The following PLIN2 variants were observed in gnomAD, a reference collection of about 807,000 sequenced individuals.
The protein encoded by PLIN2 is perilipin 2.
In PLIN2, 33 loss-of-function variants were observed where a neutral mutation model predicts 30.6. That is an observed-to-expected ratio of 1.08 (90% CI 0.82 to 1.44). The LOEUF (loss-of-function observed/expected upper bound fraction) is 1.44, where lower values mean the gene tolerates loss of function less well. PLIN2 is among the 40% of genes most tolerant of loss of function. PLIN2 has a pLI of 0.00. For synonymous variants in PLIN2, 205 were observed against 201.1 expected, an observed-to-expected ratio of 1.02 and a Z score of -0.16; for missense variants, 610 against 531.8, an observed-to-expected ratio of 1.15 and a Z score of -1.45.
rs200207399 is a variant in PLIN2 at position 19,116,463 on chromosome 9, A to G, written c.1099T>C (p.Ser367Pro). ...TTGCTAGAAGTGAGGAGGCTGTCAGACACTTCTTTAAAGGAGGCAGCATTG... is the reference window on the plus strand; with the variant it reads ...TTGCTAGAAGTGAGGAGGCTGTCAGGCACTTCTTTAAAGGAGGCAGCATTG... ...FRNAASFKEV[S>P]DSLLTSSKGQ... Residue 367 changes from serine to proline, a missense_variant, in exon 8 of 8, where the codon TCT (serine) becomes CCT (proline). Transcript: ENST00000276914. The G allele has an allele frequency of 5.0e-6, 8 of 1,614,116 alleles. No individual in the cohort carries two copies. In the Admixed American group the frequency reaches 1.2e-4, roughly 24 times the overall value.
downstream of PLIN2, among the ~76,000 whole-genome samples, chr9:19,113,004 A>G (rs954489787): frequency 3.9e-5 from 6 of 152,048 alleles, no homozygotes; most frequent in East Asian, 1.9e-4. Context: ...GTAACACACT[A>G]TAACTCTTAT....
chr9:19,112,316 T>C (rs1818168966), downstream of PLIN2, among the ~76,000 whole-genome samples: 1 of 152,196 alleles, frequency 6.6e-6, no homozygotes, highest in Admixed American at 6.6e-5. Context: ...TATGTTAGCC[T>C]TAGTCAGTAT....
chr9:19,123,394 T>C (rs1818348472), intron 4 of PLIN2, 171 bp downstream of exon 4: 1 of 1,551,446 alleles, frequency 6.4e-7, no homozygotes, highest in African/African-American at 1.4e-5. Flanking sequence ...TAGATACAAC[T>C]TGACAACAGT....
At position 19,126,310 on chromosome 9, in the gene PLIN2, C is replaced by T. The variant is rs764016600; in HGVS notation, c.31-1G>A. 2 of 1,613,618 alleles carry T rather than the reference C, an allele frequency of 1.2e-6. No individual in the cohort carries two copies. Among genetic ancestry groups the T allele is most frequent in the Admixed American group, 3.3e-5 (2 of 59,994 alleles). On this transcript the variant is annotated splice_acceptor_variant, in intron 2 of 7. Coordinates refer to ENST00000276914, the MANE Select transcript of PLIN2 (RefSeq NM_001122.4). LOFTEE classifies it high-confidence loss of function. The stretch of plus-strand genomic sequence containing the variant: ...GGTTGACCACCCGAGTCACCACACT[C>T]TGCAATCAAAGTAGGGAGGGTATGC...
chr9:19,119,666 T>C lies in PLIN2; in HGVS notation c.761A>G (p.His254Arg). 4 of 1,595,644 alleles carry C rather than the reference T, an allele frequency of 2.5e-6. No homozygotes were observed. Among genetic ancestry groups the C allele is most frequent in the Non-Finnish European group, 3.4e-6 (4 of 1,169,250 alleles). Reference protein sequence around the residue: ...QKSQQTISQLHSTVHLIEFAR... With the variant: ...QKSQQTISQLRSTVHLIEFAR... ...TTTACTCACCAGGTGAACAGTAGAA[T>C]GGAGCTGAGAAATGGTCTGTTGGCT... Residue 254 changes from histidine to arginine, a missense_variant, in exon 6 of 8, where the codon CAT becomes CGT. Coordinates refer to ENST00000276914, the MANE Select transcript of PLIN2 (RefSeq NM_001122.4).
rs1818416968 is a variant in PLIN2, at chr9:19,127,266, G to A, written c.-23+153C>T. ...CTGGAAGCCGCGAGGCGAGCGGGGG[G>A]TCTCGGACCATCACCCCCGCGTCCC... On this transcript the variant is annotated intron_variant, in intron 1 of 7. Coordinates refer to ENST00000276914, the MANE Select transcript of PLIN2 (RefSeq NM_001122.4). This position sits in a 1 kb window ranked among gnomAD's most constrained non-coding sequence, Gnocchi z 4.3. Among the ~76,000 whole-genome samples, 1 of 151,976 alleles carries A rather than the reference G, an allele frequency of 6.6e-6. No homozygotes were observed. The highest frequency in any genetic ancestry group is 6.6e-5 in the Admixed American group (1 of 15,266).
In PLIN2 at chr9:19,115,990, C is replaced by T. The variant is rs1588641730; in HGVS notation, c.*258G>A. ...CAACACAATGGCCATAGAATGAGAA[C>T]ATAAGTGCATTTGAATTTTTTCTGA... is the stretch of plus-strand genomic sequence containing the variant. On this transcript the variant is annotated 3_prime_UTR_variant, in exon 8 of 8. Coordinates refer to ENST00000276914, the MANE Select transcript of PLIN2 (RefSeq NM_001122.4). 2 of 356,922 alleles carry T rather than the reference C, an allele frequency of 5.6e-6. No homozygotes were observed. The highest frequency in any genetic ancestry group is 5.1e-6 in the Non-Finnish European group (1 of 197,666). The allele number at this position is 356,922 out of a possible 1,614,324, so 22.1% of individuals were successfully genotyped here. A position where few individuals can be genotyped will look rare whatever the true frequency, so the allele number is the denominator to read the frequency against.
chr9:19,109,695 C>T (rs1273315779), intron 2 of PLIN2, among the ~76,000 whole-genome samples: 8 of 151,880 alleles, frequency 5.3e-5, no homozygotes, highest in Non-Finnish European at 7.4e-5. Context: ...AGACCAGGTG[C>T]GGTGGCTCAC....
At chr9:19,117,291 A>G (rs1447914546) in intron 7 of PLIN2, among the ~76,000 whole-genome samples, 2 of 151,842 alleles carry the variant, frequency 1.3e-5, no homozygotes, top group Admixed American at 6.6e-5. Flanking sequence ...CTCTCGAGCA[A>G]CTAGGACTAC....
chr9:19,115,742 A>G (rs1352434419), downstream of PLIN2: 2 of 153,290 alleles, frequency 1.3e-5, no homozygotes, highest in Middle Eastern at 3.4e-3. Context: ...CACACAAAGC[A>G]TATGGAACAA....
rs1200206245 is a variant in PLIN2, at chr9:19,123,570, T to G, written c.304A>C (p.Thr102Pro). The G allele has an allele frequency of 6.2e-7, 1 of 1,614,160 alleles. No homozygotes were observed. Among genetic ancestry groups the G allele is most frequent in the African/African-American group, 1.3e-5 (1 of 75,056 alleles). ...CACTTTTGTCCCAAGCTCACCTGAGTTGATGGCTGATTCAGAATAGGCAGT... is the reference window on the plus strand; with the variant it reads ...CACTTTTGTCCCAAGCTCACCTGAGGTGATGGCTGATTCAGAATAGGCAGT... ...ERLPILNQPS[T>P]QIVANAKGAV... Residue 102 changes from threonine to proline, a missense_variant, in exon 4 of 8, where the codon ACT becomes CCT. Thr to Pro is a conservative substitution (Grantham distance 38, BLOSUM62 -1). Coordinates refer to ENST00000276914, the MANE Select transcript of PLIN2 (RefSeq NM_001122.4).
chr9:19,109,154 C>G lies in PLIN2; in HGVS notation n.418-407G>C, dbSNP rs566009073. 1.5e-4 allele frequency among the ~76,000 whole-genome samples: 23 copies of G among 152,314 alleles called. 2 individuals carry two copies. In the South Asian group the frequency reaches 4.8e-3, roughly 32 times the overall value. ...AAACAGCCATCACAAAACCCTACCT[C>G]TTCCCTGCACAGGAAAGCCTTTAGG... On this transcript the variant is annotated intron_variant and non_coding_transcript_variant, in intron 2 of 2. Transcript: ENST00000464326.
chr9:19,117,203 C>T (rs754921641), intron 7 of PLIN2, among the ~76,000 whole-genome samples: 2 of 151,902 alleles, frequency 1.3e-5, no homozygotes, highest in African/African-American at 2.4e-5. Flanking sequence ...GTCTGTTGCC[C>T]AGGCTGGAGG....
chr9:19,123,475 G>T (rs77739561), intron 4 of PLIN2, 90 bp downstream of exon 4: 10 of 1,597,434 alleles, frequency 6.3e-6, no homozygotes, highest in Non-Finnish European at 8.5e-6. Context: ...ACAAGTATTT[G>T]CCTGTTTGTG....
chr9:19,109,248 C>G (rs1818128158), intron 2 of PLIN2, among the ~76,000 whole-genome samples: 1 of 152,002 alleles, frequency 6.6e-6, no homozygotes, highest in South Asian at 2.1e-4. Context: ...TCTTAGCAAA[C>G]AACAGATTAA....
downstream of PLIN2, among the ~76,000 whole-genome samples, chr9:19,112,614 G>A (rs1818171871): frequency 6.6e-6 from 1 of 151,718 alleles, no homozygotes; most frequent in South Asian, 2.1e-4. Context: ...ACACTGAGGA[G>A]GGAGAATCGA....
At chr9:19,123,442 A>G (rs1385681062) in intron 4 of PLIN2, 123 bp downstream of exon 4, 1 of 1,560,018 alleles carries the variant, frequency 6.4e-7, no homozygotes, top group Non-Finnish European at 8.7e-7. Context: ...TTTCAAACAT[A>G]CATCCAGATC....
At chr9:19,125,786 G>C (rs1588648399) in intron 3 of PLIN2, 1 of 205,772 alleles carries the variant, frequency 4.9e-6, no homozygotes, top group East Asian at 1.1e-4. Flanking sequence ...AGCTGGGCAT[G>C]GTGGTGGGAG....
At chr9:19,126,732 G>C (rs1050767187) in intron 1 of PLIN2, among the ~76,000 whole-genome samples, 5 of 152,130 alleles carry the variant, frequency 3.3e-5, no homozygotes, top group Admixed American at 2.6e-4. Flanking sequence ...TTGTTTCTCC[G>C]AGTATCTGTT....
Sources: gnomAD v4.1 joint callset for allele counts (sites outside exome capture counted in the v4.1 genomes callset) on GRCh38, gnomAD v4.1.1 for gene constraint, Gnocchi (gnomAD v3.1) non-coding constraint, MANE v1.5 for transcripts, NCBI Gene and HGNC (gene_info 2026-07-23, HGNC 2026-07-21) for gene names.